MEGF11: variants seen among roughly 807,000 people sequenced by gnomAD.
The protein encoded by MEGF11 is multiple epidermal growth factor-like domains protein 11.
Under a neutral mutation model 146.6 loss-of-function variants are expected in MEGF11, and 126 were observed. The ratio of observed to expected loss-of-function variants is 0.86; its 90% CI spans 0.74 to 1.00. The LOEUF (loss-of-function observed/expected upper bound fraction) is 1.00. MEGF11 is among the 50% of genes least tolerant of loss of function. The pLI, the probability that MEGF11 is intolerant of heterozygous loss-of-function variation, is 0.00. For synonymous variants in MEGF11, 532 were observed against 583.4 expected (o/e 0.91, Z 1.27); for missense variants, 1,509 against 1,521.2 (o/e 0.99, Z 0.13).
intron 4 of MEGF11, among the ~76,000 whole-genome samples, chr15:66,106,271 A>C (rs766029796): frequency 2.0e-5 from 3 of 152,200 alleles, no homozygotes; most frequent in Non-Finnish European, 4.4e-5. Flanking sequence ...GCAGTTATGC[A>C]CTTGGTACAT....
At chr15:66,178,232 T>G (rs570152239) in intron 1 of MEGF11, among the ~76,000 whole-genome samples, 1 of 152,310 alleles carries the variant, frequency 6.6e-6, no homozygotes, top group South Asian at 2.1e-4. Context: ...GCGATCTGCC[T>G]TCCTCGGCTT....
At chr15:66,155,148 G>A (rs1489593694) in intron 1 of MEGF11, among the ~76,000 whole-genome samples, 3 of 152,228 alleles carry the variant, frequency 2.0e-5, no homozygotes, top group Non-Finnish European at 1.5e-5. Context: ...TGAGACCCTG[G>A]CCCCTGACTT....
intron 1 of MEGF11, among the ~76,000 whole-genome samples, chr15:66,158,573 G>A (rs1419607553): frequency 1.3e-5 from 2 of 152,238 alleles, no homozygotes; most frequent in East Asian, 3.8e-4. Context: ...ATCATCTGGG[G>A]TTGCATGGAG....
At chr15:66,223,480 G>A (rs2091781698) in intron 1 of MEGF11, among the ~76,000 whole-genome samples, 1 of 152,184 alleles carries the variant, frequency 6.6e-6, no homozygotes, top group Admixed American at 6.5e-5. Flanking sequence ...CTTTAAAATA[G>A]TGAATTGCGA....
At chr15:65,968,922 C>A (rs1171334948) in intron 8 of MEGF11, among the ~76,000 whole-genome samples, 2 of 152,164 alleles carry the variant, frequency 1.3e-5, no homozygotes, top group Non-Finnish European at 2.9e-5. Flanking sequence ...TGGGTTAATG[C>A]AGCTGTCACC....
At chr15:66,229,435 T>G (rs2091919731) in intron 1 of MEGF11, among the ~76,000 whole-genome samples, 1 of 152,186 alleles carries the variant, frequency 6.6e-6, no homozygotes, top group South Asian at 2.1e-4. Flanking sequence ...GGCCTGGAGT[T>G]GCAGATCTTC....
At chr15:66,178,521 G>C (rs2090453918) in intron 1 of MEGF11, among the ~76,000 whole-genome samples, 1 of 152,196 alleles carries the variant, frequency 6.6e-6, no homozygotes, top group Non-Finnish European at 1.5e-5. Flanking sequence ...GAATTCCCCA[G>C]ATATTGTTTG....
chr15:65,994,073 G>T (rs1303629058), intron 5 of MEGF11, among the ~76,000 whole-genome samples: 1 of 152,168 alleles, frequency 6.6e-6, no homozygotes, highest in Admixed American at 6.5e-5. Flanking sequence ...CTGTGTTTTC[G>T]ACCTGGATCC....
At chr15:66,252,953 A>G (rs2140278683) in intron 1 of MEGF11, among the ~76,000 whole-genome samples, 1 of 152,264 alleles carries the variant, frequency 6.6e-6, no homozygotes, top group East Asian at 1.9e-4. Flanking sequence ...GAGCCAACCA[A>G]CAAGGCCGTC....
chr15:66,221,848 A>G (rs1007434150), intron 1 of MEGF11, among the ~76,000 whole-genome samples: 3 of 152,052 alleles, frequency 2.0e-5, no homozygotes, highest in Non-Finnish European at 2.9e-5. Flanking sequence ...CCAGGATCAA[A>G]CCAAGTCTTC....
intron 10 of MEGF11, among the ~76,000 whole-genome samples, chr15:65,948,024 A>C (rs914744199): frequency 6.6e-6 from 1 of 152,192 alleles, no homozygotes; most frequent in South Asian, 2.1e-4. Context: ...GGCTGGCCTC[A>C]TCTTAGTGAC....
chr15:66,172,864 C>A (rs1183882714), intron 1 of MEGF11, among the ~76,000 whole-genome samples: 1 of 152,236 alleles, frequency 6.6e-6, no homozygotes, highest in African/African-American at 2.4e-5. Flanking sequence ...CACAGCAGGG[C>A]TGGCTCCAAA....
At position 65,982,946 on chromosome 15, in the gene MEGF11, G is replaced by C. The variant is rs923107809; in HGVS notation, c.395-458C>G. Among the ~76,000 whole-genome samples, 2 of 151,808 alleles carry C rather than the reference G, an allele frequency of 1.3e-5. No individual in the cohort carries two copies. Among genetic ancestry groups the C allele is most frequent in the African/African-American group, 4.8e-5 (2 of 41,272 alleles). The stretch of plus-strand genomic sequence containing the variant: ...ACCCCTCTCTTCTTGGGACCTGCGG[G>C]ACCCAGCCCATTCCAGCTCCCATTT... On this transcript the variant is annotated intron_variant, in intron 5 of 25. Coordinates refer to ENST00000395614, the MANE Select transcript of MEGF11 (RefSeq NM_001385028.1). The surrounding 1 kb of genome is among the most constrained non-coding windows in gnomAD (Gnocchi z 5.6).
chr15:66,243,255 C>T (rs1038528692), intron 1 of MEGF11, among the ~76,000 whole-genome samples: 1 of 152,210 alleles, frequency 6.6e-6, no homozygotes, highest in African/African-American at 2.4e-5. Flanking sequence ...TACAAGGGTC[C>T]CAGGTTGACG....
chr15:66,031,287 T>C (rs544376234), intron 5 of MEGF11, among the ~76,000 whole-genome samples: 1 of 152,344 alleles, frequency 6.6e-6, no homozygotes, highest in Admixed American at 6.5e-5. Context: ...ATTTGCTCAT[T>C]GGCACACAGT....
rs139659558 is a variant in MEGF11 at position 66,024,376 on chromosome 15, A to C, written c.395-41888T>G. The stretch of plus-strand genomic sequence containing the variant: ...CTTCACACAAGTCTGGGAGGTGGGG[A>C]TGTTACCTTTGGGATCTCACAGTGG... On this transcript the variant is annotated intron_variant, in intron 5 of 25. Coordinates refer to ENST00000395614, the MANE Select transcript of MEGF11 (RefSeq NM_001385028.1). Among the ~76,000 whole-genome samples the C allele has an allele frequency of 4.9e-4, 74 of 152,282 alleles. No individual in the cohort carries two copies. The East Asian group carries it at 0.014, about 29-fold the overall frequency.
At chr15:66,152,819 T>G (rs372802390) in intron 1 of MEGF11, among the ~76,000 whole-genome samples, 196 of 152,296 alleles carry the variant, frequency 1.3e-3, no homozygotes, top group African/African-American at 4.5e-3. Context: ...CAATTGGCAG[T>G]GGTGACCCAG....
intron 1 of MEGF11, among the ~76,000 whole-genome samples, chr15:66,211,792 C>T (rs2140130586): frequency 6.6e-6 from 1 of 151,994 alleles, no homozygotes; most frequent in South Asian, 2.1e-4. Flanking sequence ...AGCCCTCACC[C>T]TCTCCTGGGT....
At chr15:66,148,815 T>A (rs990885868) in intron 1 of MEGF11, among the ~76,000 whole-genome samples, 10 of 152,108 alleles carry the variant, frequency 6.6e-5, no homozygotes, top group African/African-American at 2.2e-4. Flanking sequence ...GGTCTGATGT[T>A]CCTGTTAGAG....
Sources: allele counts gnomAD v4.1 joint callset (sites outside exome capture counted in the v4.1 genomes callset), GRCh38; gene constraint gnomAD v4.1.1; non-coding constraint Gnocchi (gnomAD v3.1); transcripts MANE v1.5; gene names NCBI Gene and HGNC (gene_info 2026-07-23, HGNC 2026-07-21).